The following CPA6 variants were observed in gnomAD, a reference collection of about 807,000 sequenced individuals.
The protein encoded by CPA6 is carboxypeptidase A6.
In CPA6, 58 loss-of-function variants were observed where a neutral mutation model predicts 63.3. The observed-to-expected ratio is 0.92, with a 90% CI of 0.74 to 1.14. CPA6 has a LOEUF of 1.14. CPA6 is among the 50% of genes most tolerant of loss of function. CPA6 has a pLI of 0.00. For missense variants in CPA6, 565 were observed against 526.6 expected, an observed-to-expected ratio of 1.07 and a Z score of -0.71; for synonymous variants, 185 against 179.0, an observed-to-expected ratio of 1.03 and a Z score of -0.27.
intron 8 of CPA6, among the ~76,000 whole-genome samples, chr8:67,453,691 T>C (rs1202375214): frequency 6.6e-6 from 1 of 152,138 alleles, no homozygotes; most frequent in Admixed American, 6.5e-5. Context: ...ATTTGGCGTC[T>C]TCTCTAACAC....
intron 1 of CPA6, among the ~76,000 whole-genome samples, chr8:67,733,207 AAAAAAAAAAAAAAAAAAT>A (rs756920336): frequency 0.017 from 2,357 of 136,368 alleles, 50 homozygotes; most frequent in Non-Finnish European, 0.027. Flanking sequence ...AAAAAAAAAA[AAAAAAAAAAAAAAAAAAT>A]AAAAAAATTT....
intron 2 of CPA6, among the ~76,000 whole-genome samples, chr8:67,568,177 TA>T (rs1191527884): frequency 6.6e-6 from 1 of 152,072 alleles, no homozygotes; most frequent in Non-Finnish European, 1.5e-5. Context: ...AGAACTCCTG[TA>T]AAAGCCAGGA....
At chr8:67,448,912 C>T (rs918324055) in intron 8 of CPA6, among the ~76,000 whole-genome samples, 1 of 152,002 alleles carries the variant, frequency 6.6e-6, no homozygotes, top group African/African-American at 2.4e-5. Context: ...TATTAAATAT[C>T]CTGTAATTTT....
At chr8:67,720,360 G>T (rs1375797730) in intron 1 of CPA6, among the ~76,000 whole-genome samples, 1 of 152,228 alleles carries the variant, frequency 6.6e-6, no homozygotes, top group Non-Finnish European at 1.5e-5. Flanking sequence ...CATCTGGGCG[G>T]ATATGTGCAA....
chr8:67,423,274 A>G (rs7843876), intron 10 of CPA6, among the ~76,000 whole-genome samples: 145,032 of 152,228 alleles, frequency 0.95, 69,165 homozygotes, highest in East Asian at 1. Flanking sequence ...TAGTAGAGAC[A>G]GGGTTTTACC....
intron 1 of CPA6, among the ~76,000 whole-genome samples, chr8:67,680,019 A>T (rs1215920624): frequency 1.3e-5 from 2 of 152,122 alleles, no homozygotes; most frequent in Non-Finnish European, 2.9e-5. Context: ...CTTGGACTTA[A>T]AGTTATTTAT....
chr8:67,602,705 A>G (rs1329544532), intron 2 of CPA6, among the ~76,000 whole-genome samples: 1 of 152,216 alleles, frequency 6.6e-6, no homozygotes, highest in African/African-American at 2.4e-5. Context: ...ACAACTGCTG[A>G]ACTTGGAGAG....
intron 1 of CPA6, among the ~76,000 whole-genome samples, chr8:67,719,833 T>C (rs1817457246): frequency 6.6e-6 from 1 of 152,014 alleles, no homozygotes; most frequent in East Asian, 1.9e-4. Context: ...TGAATGAGAA[T>C]AAGGAAAGGG....
chr8:67,696,817 A>G (rs1222723412), intron 1 of CPA6, among the ~76,000 whole-genome samples: 1 of 152,200 alleles, frequency 6.6e-6, no homozygotes, highest in Non-Finnish European at 1.5e-5. Context: ...GAAAGATTAA[A>G]TGACTGCTGG....
At chr8:67,738,630 A>G (rs1270477129) in intron 1 of CPA6, among the ~76,000 whole-genome samples, 3 of 151,724 alleles carry the variant, frequency 2.0e-5, no homozygotes, top group African/African-American at 7.3e-5. Context: ...AGTACACTGG[A>G]AAAAAAAAGA....
intron 2 of CPA6, among the ~76,000 whole-genome samples, chr8:67,593,355 T>C (rs2128981471): frequency 6.6e-6 from 1 of 151,914 alleles, no homozygotes; most frequent in Non-Finnish European, 1.5e-5. Flanking sequence ...AAAAAATGTA[T>C]ATTCTGTTGA....
chr8:67,487,103 G>A (rs1000113670), intron 6 of CPA6, among the ~76,000 whole-genome samples: 10 of 152,020 alleles, frequency 6.6e-5, no homozygotes, highest in Admixed American at 5.9e-4. Flanking sequence ...TGGGCACAAC[G>A]TGCAGGTTTG....
At chr8:67,478,460 A>T (rs1811289899) in intron 8 of CPA6, among the ~76,000 whole-genome samples, 1 of 152,178 alleles carries the variant, frequency 6.6e-6, no homozygotes, top group Non-Finnish European at 1.5e-5. Flanking sequence ...ACAAGCTGGC[A>T]TTTGTAACTG....
intron 2 of CPA6, among the ~76,000 whole-genome samples, chr8:67,609,457 T>C (rs1814746445): frequency 6.6e-6 from 1 of 152,208 alleles, no homozygotes; most frequent in Non-Finnish European, 1.5e-5. Flanking sequence ...AGTTATTAAA[T>C]AATAAATTAT....
intron 5 of CPA6, among the ~76,000 whole-genome samples, chr8:67,507,639 T>G (rs1811957895): frequency 6.6e-6 from 1 of 152,142 alleles, no homozygotes; most frequent in African/African-American, 2.4e-5. Context: ...GATTCAAACA[T>G]GAAAATACAA....
chr8:67,427,643 A>T (rs142823004), intron 10 of CPA6, among the ~76,000 whole-genome samples: 7 of 152,366 alleles, frequency 4.6e-5, no homozygotes, highest in Non-Finnish European at 7.3e-5. Context: ...ACAGCATTTC[A>T]TAACAAGAAC....
At position 67,428,128 on chromosome 8, in the gene CPA6, A is replaced by G. The variant is rs1809936507; in HGVS notation, c.1045T>C (p.Ser349Pro). 6.2e-7 allele frequency: 1 copy of G among 1,606,682 alleles called. No homozygotes were observed. Among genetic ancestry groups the G allele is most frequent in the Non-Finnish European group, 8.5e-7 (1 of 1,173,726 alleles). Residue 349 changes from serine (S) to proline (P), a missense_variant, in exon 10 of 11, where the codon TCT (serine) becomes CCT (proline). Physicochemically the swap from Ser to Pro is moderately conservative, Grantham distance 74. Coordinates refer to ENST00000297770, the MANE Select transcript of CPA6 (RefSeq NM_020361.5). ...ATIPNFRCVE[S>P]AAYKAVNALQ... ...GCATTCACAGCTTTATAAGCTGCAG[A>G]TTCCTATGAGGGAAAATGGGGAAAT...
intron 1 of CPA6, among the ~76,000 whole-genome samples, chr8:67,638,858 CA>C: frequency 6.6e-6 from 1 of 151,492 alleles, no homozygotes; most frequent in Admixed American, 6.6e-5. Context: ...AAAGTGACTC[CA>C]TGCAAGCCTC....
At chr8:67,545,334 A>G (rs1055265892) in intron 2 of CPA6, among the ~76,000 whole-genome samples, 1 of 152,096 alleles carries the variant, frequency 6.6e-6, no homozygotes, top group Non-Finnish European at 1.5e-5. Flanking sequence ...TCCACATTAT[A>G]ATGCACCCAA....
Sources: gnomAD v4.1 joint callset for allele counts (sites outside exome capture counted in the v4.1 genomes callset) on GRCh38, gnomAD v4.1.1 for gene constraint, MANE v1.5 for transcripts, NCBI Gene and HGNC (gene_info 2026-07-23, HGNC 2026-07-21) for gene names.